CYP19A1: variants seen among roughly 807,000 people sequenced by gnomAD.
CYP19A1 encodes aromatase.
A neutral mutation model predicts 44.4 loss-of-function variants in CYP19A1; 32 were observed. That is an observed-to-expected ratio of 0.72 (90% CI 0.54 to 0.97). The LOEUF is 0.97. CYP19A1 is among the 50% of genes least tolerant of loss of function. The probability of loss-of-function intolerance (pLI) is 0.00; values close to 1 mark genes in which losing one functional copy is unlikely to be tolerated. For missense variants in CYP19A1, 598 were observed against 637.8 expected, an observed-to-expected ratio of 0.94 and a Z score of 0.67; for synonymous variants, 212 against 215.6, an observed-to-expected ratio of 0.98 and a Z score of 0.14.
intron 1 of CYP19A1, among the ~76,000 whole-genome samples, chr15:51,269,782 G>A (rs1008067738): frequency 6.6e-6 from 1 of 152,176 alleles, no homozygotes; most frequent in African/African-American, 2.4e-5. Context: ...GAGCTATACT[G>A]TTGTCTGAAG....
intron 1 of CYP19A1, among the ~76,000 whole-genome samples, chr15:51,269,742 G>T (rs1162303190): frequency 6.6e-6 from 1 of 152,118 alleles, no homozygotes; most frequent in Non-Finnish European, 1.5e-5. Flanking sequence ...TTTGCTTGGG[G>T]GTTCCCTACT....
In CYP19A1 at chr15:51,285,561, G is replaced by A. The variant is rs760592911; in HGVS notation, c.-38-42611C>T. 1.4e-4 allele frequency among the ~76,000 whole-genome samples: 22 copies of A among 152,272 alleles called. No individual in the cohort carries two copies. In the East Asian group the frequency reaches 2.3e-3, roughly 16 times the overall value. ...TCTGACATAATGTCCAGGGCTCGGC[G>A]CATAAAACCCCTCGTGGCCTCTGGA... On this transcript the variant is annotated intron_variant, in intron 1 of 9. Coordinates refer to ENST00000396402, the MANE Select transcript of CYP19A1 (RefSeq NM_000103.4).
At chr15:51,294,513 C>A (rs1454858784) in intron 1 of CYP19A1, among the ~76,000 whole-genome samples, 1 of 150,410 alleles carries the variant, frequency 6.6e-6, no homozygotes, top group Non-Finnish European at 1.5e-5. Context: ...GCCCCTCCGC[C>A]CGGCAGCCGC....
At chr15:51,254,651 A>C (rs1189173495) in intron 1 of CYP19A1, among the ~76,000 whole-genome samples, 1 of 152,088 alleles carries the variant, frequency 6.6e-6, no homozygotes, top group East Asian at 1.9e-4. Context: ...TGACTCTCTC[A>C]ATCCAGTTTG....
chr15:51,305,217 T>A (rs186429137), intron 1 of CYP19A1, among the ~76,000 whole-genome samples: 1 of 152,230 alleles, frequency 6.6e-6, no homozygotes, highest in Admixed American at 6.5e-5. Flanking sequence ...TTCCTTTCAA[T>A]GTAGGATGTC....
rs1453431556 is a variant in CYP19A1 at position 51,210,621 on chromosome 15, C to T, written c.*187G>A. The stretch of plus-strand genomic sequence containing the variant: ...CTGCTTTTTCTCTTGTAGCCTGGTT[C>T]TCTGGTGTGAACAGGAGCAGATGAC... On this transcript the variant is annotated 3_prime_UTR_variant, in exon 10 of 10. Transcript: ENST00000396402. The T allele has an allele frequency of 1.4e-6, 1 of 725,386 alleles. No individual in the cohort carries two copies. The highest frequency in any genetic ancestry group is 2.5e-6 in the Non-Finnish European group (1 of 394,456). 44.9% of individuals were successfully genotyped at this position (725,386 alleles called of 1,614,324 possible).
At chr15:51,251,292 G>T (rs373535661) in intron 1 of CYP19A1, among the ~76,000 whole-genome samples, 2 of 152,138 alleles carry the variant, frequency 1.3e-5, no homozygotes, top group Non-Finnish European at 2.9e-5. Flanking sequence ...CCCAGGTGCC[G>T]CCAGCCAGAG....
At chr15:51,320,584 CA>C (rs1164279547) in intron 1 of CYP19A1, among the ~76,000 whole-genome samples, 2 of 152,178 alleles carry the variant, frequency 1.3e-5, no homozygotes, top group Admixed American at 6.5e-5. Flanking sequence ...CCAAGAGGCC[CA>C]AAAGCTGTCT....
Position 51,274,003 on chromosome 15 carries a change from T to TCA in CYP19A1, c.-38-31055_-38-31054dup, listed in dbSNP as rs34082137. On this transcript the variant is annotated intron_variant, in intron 1 of 9. Transcript: ENST00000396402. ...GCCTGGGCCACAGAGTGAAATTTTG[T>TCA]CACACACACACACACACACACACAA... 3.2e-3 allele frequency among the ~76,000 whole-genome samples: 486 copies of TCA among 149,988 alleles called. 2 individuals carry two copies. Among genetic ancestry groups the TCA allele is most frequent in the Middle Eastern group, 6.9e-3 (2 of 290 alleles).
At chr15:51,223,593 T>TCA (rs5812545) in intron 4 of CYP19A1, among the ~76,000 whole-genome samples, 4,675 of 90,158 alleles carry the variant, frequency 0.052, 136 homozygotes, top group East Asian at 0.095. Context: ...TCTCTCTCTC[T>TCA]CACACACACA....
At chr15:51,333,661 T>C (rs2036735312) in intron 1 of CYP19A1, among the ~76,000 whole-genome samples, 2 of 152,196 alleles carry the variant, frequency 1.3e-5, no homozygotes, top group Admixed American at 1.3e-4. Flanking sequence ...GTGGTTTCCA[T>C]AGTGACAGAA....
intron 1 of CYP19A1, among the ~76,000 whole-genome samples, chr15:51,311,010 A>G (rs1566922106): frequency 6.6e-6 from 1 of 152,238 alleles, no homozygotes; most frequent in Non-Finnish European, 1.5e-5. Context: ...CTGCTAAAAC[A>G]AAACAAAACT....
At chr15:51,242,703 A>G in intron 2 of CYP19A1, 65 bp downstream of exon 2, 1 of 1,051,388 alleles carries the variant, frequency 9.5e-7, no homozygotes, top group Admixed American at 1.8e-5. Context: ...AATTTTCTTT[A>G]CCATCATGGA....
At chr15:51,300,433 GGA>G (rs1275909682) in intron 1 of CYP19A1, among the ~76,000 whole-genome samples, 1 of 152,200 alleles carries the variant, frequency 6.6e-6, no homozygotes, top group Non-Finnish European at 1.5e-5. Context: ...TGCTTTCATA[GGA>G]GAGATCATCT....
rs201842322 is a variant in CYP19A1 at position 51,222,502 on chromosome 15, G to A, written c.475C>T (p.Arg159Cys). 390 of 1,613,884 alleles carry A rather than the reference G, an allele frequency of 2.4e-4. 3 individuals are homozygous for A. Among genetic ancestry groups the A allele is most frequent in the East Asian group, 2.5e-4 (11 of 44,832 alleles). Reference protein sequence around the residue: ...MKALSGPGLVRMVTVCAESLK... With the variant: ...MKALSGPGLVCMVTVCAESLK... ...GATTCAGCACAGACTGTGACCATAC[G>A]AACAAGGCCGGGGCCTGACAGAGCT... The change falls in exon 5 of 10, where the codon CGT becomes TGT. Residue 159 changes from arginine (R) to cysteine (C), a missense_variant. Coordinates refer to ENST00000396402, the MANE Select transcript of CYP19A1 (RefSeq NM_000103.4).
intron 8 of CYP19A1, among the ~76,000 whole-genome samples, chr15:51,213,726 A>G (rs1595668107): frequency 1.3e-5 from 2 of 152,302 alleles, no homozygotes; most frequent in East Asian, 1.9e-4. Context: ...TCACCTCTCA[A>G]ATAAATGGTA....
chr15:51,311,026 T>C (rs1177018742), intron 1 of CYP19A1, among the ~76,000 whole-genome samples: 1 of 152,184 alleles, frequency 6.6e-6, no homozygotes, highest in East Asian at 1.9e-4. Flanking sequence ...AAACTCAACA[T>C]GCTTTATGAT....
intron 8 of CYP19A1, among the ~76,000 whole-genome samples, chr15:51,212,900 A>T (rs2031167792): frequency 1.3e-5 from 2 of 152,176 alleles, no homozygotes; most frequent in Non-Finnish European, 2.9e-5. Context: ...GGGGGCATAC[A>T]TCATACAGTT....
Position 51,281,456 on chromosome 15 carries a change from A to G in CYP19A1, c.-38-38506T>C, listed in dbSNP as rs2035514667. 2.6e-5 allele frequency among the ~76,000 whole-genome samples: 4 copies of G among 152,236 alleles called. No homozygotes were observed. The South Asian group carries it at 8.3e-4, about 31-fold the overall frequency. On this transcript the variant is annotated intron_variant, in intron 1 of 9. Transcript: ENST00000396402. The stretch of plus-strand genomic sequence containing the variant: ...GGACAGAAACCTACCCTGAGGAGCC[A>G]GAGCACTGCGGGCAGGAGAGGAGGA...
Sources: allele counts gnomAD v4.1 joint callset (sites outside exome capture counted in the v4.1 genomes callset), GRCh38; gene constraint gnomAD v4.1.1; transcripts MANE v1.5; gene names NCBI Gene and HGNC (gene_info 2026-07-23, HGNC 2026-07-21).